Variants in EYA1 observed in about 807,000 individuals in gnomAD.
The protein encoded by EYA1 is EYA transcriptional coactivator and phosphatase 1.
EYA1 carries 16 observed loss-of-function variants against 82.0 expected under a neutral mutation model. The observed-to-expected ratio is 0.20, with a 90% CI of 0.13 to 0.30. EYA1 has a LOEUF of 0.30. EYA1 is among the 10% of genes least tolerant of loss of function. EYA1 has a pLI of 1.00. For synonymous variants in EYA1, 261 were observed against 264.4 expected (o/e 0.99, Z 0.12); for missense variants, 633 against 730.7 (o/e 0.87, Z 1.54).
At chr8:71,342,281 T>G (rs1228866694) in intron 3 of EYA1, among the ~76,000 whole-genome samples, 1 of 152,202 alleles carries the variant, frequency 6.6e-6, no homozygotes. Context: ...ACAGTTTGGC[T>G]CCAACTGATC....
intron 9 of EYA1, among the ~76,000 whole-genome samples, chr8:71,295,003 A>C (rs1408424273): frequency 6.6e-6 from 1 of 152,238 alleles, no homozygotes; most frequent in East Asian, 1.9e-4. Context: ...ATAGTTTTTC[A>C]AAAATTAATC....
At position 71,334,134 on chromosome 8, in the gene EYA1, C is replaced by A. The variant is rs745425275; in HGVS notation, c.165G>T (p.Thr55=). ...EPMSSSETAS[T]TADGSLNNFS... Reference sequence around the variant, plus strand: ...AATTGTTTAAAGACCCGTCGGCTGTCGTTGAAGCTGTTTCACTGCTGCTCA... The same window carrying A: ...AATTGTTTAAAGACCCGTCGGCTGTAGTTGAAGCTGTTTCACTGCTGCTCA... Residue 55 remains threonine, a synonymous_variant, in exon 4 of 18, where the codon ACG becomes ACT. Coordinates refer to ENST00000340726, the MANE Select transcript of EYA1 (RefSeq NM_000503.6). The A allele has an allele frequency of 6.2e-7, 1 of 1,613,718 alleles. No homozygotes were observed. The highest frequency in any genetic ancestry group is 1.1e-5 in the South Asian group (1 of 91,064).
chr8:71,204,197 G>T (rs1273297076), intron 17 of EYA1: 3 of 152,134 alleles, frequency 2.0e-5, no homozygotes. Flanking sequence ...TGCCTGATGG[G>T]AAAACAATGA....
intron 3 of EYA1, among the ~76,000 whole-genome samples, chr8:71,349,758 A>G (rs1826122187): frequency 6.6e-6 from 1 of 152,210 alleles, no homozygotes; most frequent in Non-Finnish European, 1.5e-5. Flanking sequence ...GCCAGCAAAT[A>G]GTGAAGCTGG....
intron 3 of EYA1, among the ~76,000 whole-genome samples, chr8:71,341,722 C>T (rs2129053786): frequency 6.6e-6 from 1 of 152,222 alleles, no homozygotes. Context: ...AAGTTAAGGT[C>T]ATCTTCTTTA....
intron 2 of EYA1, among the ~76,000 whole-genome samples, chr8:71,513,843 G>A (rs983462178): frequency 1.3e-5 from 2 of 151,982 alleles, no homozygotes; most frequent in Non-Finnish European, 2.9e-5. Flanking sequence ...GAGAACATGC[G>A]ATGCTTTTCT....
chr8:71,448,207 G>A (rs1043464901), intron 2 of EYA1, among the ~76,000 whole-genome samples: 3 of 151,718 alleles, frequency 2.0e-5, no homozygotes, highest in South Asian at 2.1e-4. Context: ...AGGACTTCTC[G>A]CAAAATTAAA....
At chr8:71,458,088 A>G (rs1808091997) in intron 2 of EYA1, among the ~76,000 whole-genome samples, 1 of 152,156 alleles carries the variant, frequency 6.6e-6, no homozygotes, top group South Asian at 2.1e-4. Context: ...TTTTACTTTG[A>G]AAATACAAGA....
intron 2 of EYA1, among the ~76,000 whole-genome samples, chr8:71,388,596 G>A (rs910442640): frequency 1.1e-4 from 16 of 152,036 alleles, no homozygotes; most frequent in South Asian, 2.1e-4. Context: ...CTCAGCTGCC[G>A]GGGAGTAGAA....
intron 2 of EYA1, among the ~76,000 whole-genome samples, chr8:71,506,910 A>C (rs959965233): frequency 1.4e-5 from 2 of 139,382 alleles, no homozygotes; most frequent in Admixed American, 7.3e-5. Context: ...AAGATACTAG[A>C]TTATATATAA....
intron 11 of EYA1, among the ~76,000 whole-genome samples, chr8:71,247,062 C>T (rs1347180443): frequency 6.6e-6 from 1 of 151,284 alleles, no homozygotes; most frequent in African/African-American, 2.4e-5. Context: ...CTTGGCACCG[C>T]CCACATCCCT....
At chr8:71,347,785 C>A (rs151085403) in intron 3 of EYA1, among the ~76,000 whole-genome samples, 1 of 150,454 alleles carries the variant, frequency 6.6e-6, no homozygotes, top group East Asian at 2.0e-4. Context: ...GAAAAAAGTT[C>A]CCAATTTGTA....
At chr8:71,457,780 T>A (rs1342407189) in intron 2 of EYA1, among the ~76,000 whole-genome samples, 2 of 152,064 alleles carry the variant, frequency 1.3e-5, no homozygotes, top group Non-Finnish European at 2.9e-5. Flanking sequence ...ATATACCTAA[T>A]GTAAATGATG....
At chr8:71,345,760 G>T (rs1056686382) in intron 3 of EYA1, among the ~76,000 whole-genome samples, 2 of 152,006 alleles carry the variant, frequency 1.3e-5, no homozygotes, top group Non-Finnish European at 2.9e-5. Context: ...CTCACCTGGG[G>T]TCCCTTCTTA....
At chr8:71,362,102 C>T (rs1827446491), upstream of EYA1, 3 of 984,712 alleles carry the variant, frequency 3.0e-6, no homozygotes, top group Non-Finnish European at 3.6e-6. Flanking sequence ...GAATCTCATC[C>T]CTCGATTTGT....
chr8:71,281,956 T>C (rs535261262), intron 9 of EYA1, among the ~76,000 whole-genome samples: 10 of 152,206 alleles, frequency 6.6e-5, no homozygotes, highest in Non-Finnish European at 1.5e-4. Flanking sequence ...TGTAGAATAT[T>C]GGCGCTGCCT....
intron 12 of EYA1, among the ~76,000 whole-genome samples, chr8:71,230,542 C>T (rs922171303): frequency 6.6e-6 from 1 of 152,154 alleles, no homozygotes; most frequent in African/African-American, 2.4e-5. Context: ...TACCTGTCAC[C>T]CTCTCTGAAG....
intron 2 of EYA1, among the ~76,000 whole-genome samples, chr8:71,461,947 T>A (rs760350160): frequency 1.3e-5 from 2 of 152,108 alleles, no homozygotes; most frequent in Non-Finnish European, 2.9e-5. Flanking sequence ...GGTTGTCCCA[T>A]CTTCTGTCCA....
chr8:71,430,518 G>A (rs1428356781), intron 2 of EYA1, among the ~76,000 whole-genome samples: 1 of 152,222 alleles, frequency 6.6e-6, no homozygotes, highest in Non-Finnish European at 1.5e-5. Flanking sequence ...TGAGCTAAGA[G>A]TAAGTTGGAA....
Sources: allele counts gnomAD v4.1 joint callset (sites outside exome capture counted in the v4.1 genomes callset), GRCh38; gene constraint gnomAD v4.1.1; transcripts MANE v1.5; gene names NCBI Gene and HGNC (gene_info 2026-07-23, HGNC 2026-07-21).